Variants in DNM3 observed in about 807,000 individuals in gnomAD.
The protein encoded by DNM3 is dynamin-3.
A neutral mutation model predicts 101.6 loss-of-function variants in DNM3; 47 were observed. That is an observed-to-expected ratio of 0.46 (90% CI 0.37 to 0.59). The LOEUF is 0.59. DNM3 is among the 20% of genes least tolerant of loss of function. The probability of loss-of-function intolerance (pLI) is 0.00; values close to 1 mark genes in which losing one functional copy is unlikely to be tolerated. For synonymous variants in DNM3, 385 were observed against 387.9 expected, an observed-to-expected ratio of 0.99 and a Z score of 0.09; for missense variants, 849 against 1,085.7, an observed-to-expected ratio of 0.78 and a Z score of 3.06.
intron 17 of DNM3, among the ~76,000 whole-genome samples, chr1:172,372,319 T>C (rs926073701): frequency 6.6e-6 from 1 of 151,956 alleles, no homozygotes; most frequent in Non-Finnish European, 1.5e-5. Context: ...CTACAGATGG[T>C]AGAATATGGT....
intron 2 of DNM3, among the ~76,000 whole-genome samples, chr1:171,986,942 A>G (rs2045305335): frequency 1.3e-5 from 2 of 152,164 alleles, no homozygotes; most frequent in Non-Finnish European, 2.9e-5. Context: ...AGGTACAGAA[A>G]TTGATAATAC....
chr1:172,316,821 A>G (rs2065387570), intron 16 of DNM3, among the ~76,000 whole-genome samples: 1 of 152,210 alleles, frequency 6.6e-6, no homozygotes, highest in Non-Finnish European at 1.5e-5. Context: ...TTAACATTAG[A>G]CAGATCAACG....
chr1:172,413,442 T>G (rs2149141666), downstream of DNM3, among the ~76,000 whole-genome samples: 1 of 152,282 alleles, frequency 6.6e-6, no homozygotes, highest in African/African-American at 2.4e-5. Flanking sequence ...TTAGCCAGGA[T>G]GGTCTCGATC....
intron 13 of DNM3, among the ~76,000 whole-genome samples, chr1:172,117,140 G>C (rs2147987778): frequency 6.6e-6 from 1 of 152,098 alleles, no homozygotes; most frequent in South Asian, 2.1e-4. Context: ...AGGAGGCAGA[G>C]GTTGTGGTGA....
In DNM3 at chr1:172,320,141, G is replaced by A. The variant is rs537904417; in HGVS notation, c.1882-3188G>A. ...GTAAACTATCGCAAGGACAAAAACCGAAACACCACATGTTCTCACTCATAG... is the reference window on the plus strand; with the variant it reads ...GTAAACTATCGCAAGGACAAAAACCAAAACACCACATGTTCTCACTCATAG... On this transcript the variant is annotated intron_variant, in intron 16 of 20. Coordinates refer to ENST00000627582, the MANE Select transcript of DNM3 (RefSeq NM_015569.5). Among the ~76,000 whole-genome samples, 20 of 147,948 alleles carry A rather than the reference G, an allele frequency of 1.4e-4. No individual in the cohort carries two copies. The South Asian group carries it at 3.9e-3, about 29-fold the overall frequency.
In DNM3 at chr1:172,412,028, T is replaced by G. The variant is rs2149138660; in HGVS notation, c.*4187T>G. On this transcript the variant is annotated 3_prime_UTR_variant, in exon 21 of 21. Coordinates refer to ENST00000627582, the MANE Select transcript of DNM3 (RefSeq NM_015569.5). ...GAATATTTTTGAAGCATATGTAATA[T>G]ATGCACTGCTATTTGTGTGTGTGTG... 1.0e-6 allele frequency: 1 copy of G among 981,908 alleles called. No individual in the cohort carries two copies. 60.8% of individuals were successfully genotyped at this position (981,908 alleles called of 1,614,324 possible).
intron 14 of DNM3, among the ~76,000 whole-genome samples, chr1:172,159,848 C>A (rs971331162): frequency 2.0e-5 from 3 of 152,046 alleles, no homozygotes; most frequent in African/African-American, 7.2e-5. Flanking sequence ...GTGATTTCAT[C>A]CTTGTAGAAA....
intron 10 of DNM3, among the ~76,000 whole-genome samples, chr1:172,059,019 A>G (rs2050907560): frequency 6.6e-6 from 1 of 152,220 alleles, no homozygotes. Context: ...GGATATCACC[A>G]CAGATCACAC....
At chr1:172,323,528 A>G (rs1057173766) in intron 17 of DNM3, among the ~76,000 whole-genome samples, 188 bp downstream of exon 17, 14 of 152,106 alleles carry the variant, frequency 9.2e-5, no homozygotes, top group Non-Finnish European at 1.5e-4. Flanking sequence ...TTCCGTTTTG[A>G]CTTTTGGGAA....
intron 15 of DNM3, among the ~76,000 whole-genome samples, chr1:172,278,952 T>C (rs2063387945): frequency 3.9e-5 from 6 of 152,178 alleles, no homozygotes; most frequent in Admixed American, 3.9e-4. Context: ...AGGCCAGTTT[T>C]CTGTTGCTGA....
At chr1:172,312,344 A>T (rs1484214125) in intron 16 of DNM3, among the ~76,000 whole-genome samples, 1 of 152,214 alleles carries the variant, frequency 6.6e-6, no homozygotes, top group African/African-American at 2.4e-5. Context: ...TCTGCACAAG[A>T]TACCTCTATT....
intron 2 of DNM3, among the ~76,000 whole-genome samples, chr1:171,986,512 C>T (rs889926704): frequency 1.3e-5 from 2 of 152,024 alleles, no homozygotes; most frequent in African/African-American, 2.4e-5. Flanking sequence ...CTAAAGTGCC[C>T]GTGGGAGATC....
At chr1:172,000,336 A>G (rs2046284740) in intron 4 of DNM3, among the ~76,000 whole-genome samples, 1 of 152,106 alleles carries the variant, frequency 6.6e-6, no homozygotes, top group Non-Finnish European at 1.5e-5. Flanking sequence ...AACCAGGCCT[A>G]CTGCTTAGGA....
downstream of DNM3, among the ~76,000 whole-genome samples, chr1:172,414,577 T>A (rs1186943149): frequency 6.6e-6 from 1 of 152,142 alleles, no homozygotes; most frequent in Admixed American, 6.5e-5. Flanking sequence ...GGAAACTGCT[T>A]CAGTGGCTTT....
At chr1:172,146,937 C>A (rs2057930660) in intron 14 of DNM3, among the ~76,000 whole-genome samples, 1 of 152,104 alleles carries the variant, frequency 6.6e-6, no homozygotes, top group Non-Finnish European at 1.5e-5. Context: ...TAGAATCTTA[C>A]AATATTTCCA....
chr1:172,123,918 C>T (rs2056469198), intron 13 of DNM3, among the ~76,000 whole-genome samples: 1 of 152,116 alleles, frequency 6.6e-6, no homozygotes, highest in Non-Finnish European at 1.5e-5. Context: ...GATATCACTC[C>T]CCCAAAGCTA....
At chr1:172,379,989 T>C (rs2149058832) in intron 18 of DNM3, among the ~76,000 whole-genome samples, 1 of 152,138 alleles carries the variant, frequency 6.6e-6, no homozygotes, top group South Asian at 2.1e-4. Context: ...TATTCCTAGT[T>C]ATCTTCTAAG....
Position 172,068,894 on chromosome 1 carries a change from AC to A in DNM3, c.1412del (p.Thr471LysfsTer8), listed in dbSNP as rs1419210941. On this transcript the variant is annotated frameshift_variant, in exon 11 of 21. Transcript: ENST00000627582. LOFTEE classifies it high-confidence loss of function. ...ANHIREREGK[T>X]KDQVLLLIDI... ...CCACATTCGTGAGCGAGAAGGGAAG[AC>A]AAAGGACCAGGTAAAGAGAGGTCTT... The A allele has an allele frequency of 6.4e-7, 1 of 1,561,976 alleles. No individual in the cohort carries two copies. Among genetic ancestry groups the A allele is most frequent in the East Asian group, 2.4e-5 (1 of 41,970 alleles).
At chr1:172,097,203 C>A (rs1433945809) in intron 13 of DNM3, among the ~76,000 whole-genome samples, 1 of 151,930 alleles carries the variant, frequency 6.6e-6, no homozygotes, top group Admixed American at 6.5e-5. Context: ...AGATTGAGAC[C>A]ATTCTGGCCA....
Sources: allele counts gnomAD v4.1 joint callset (sites outside exome capture counted in the v4.1 genomes callset), GRCh38; gene constraint gnomAD v4.1.1; transcripts MANE v1.5; gene names NCBI Gene and HGNC (gene_info 2026-07-23, HGNC 2026-07-21).